PCIF1: variants seen among roughly 807,000 people sequenced by gnomAD.
PCIF1 encodes the protein phosphorylated CTD interacting factor 1.
In PCIF1, 12 loss-of-function variants were observed where a neutral mutation model predicts 86.9. The observed-to-expected ratio is 0.14, with a 90% CI of 0.09 to 0.22. The LOEUF (loss-of-function observed/expected upper bound fraction) is 0.22, where lower values mean the gene tolerates loss of function less well. PCIF1 is among the 10% of genes least tolerant of loss of function. The pLI, the probability that PCIF1 is intolerant of heterozygous loss-of-function variation, is 1.00. For synonymous variants in PCIF1, 397 were observed against 372.0 expected (o/e 1.07, Z -0.77); for missense variants, 701 against 951.1 (o/e 0.74, Z 3.46).
chr20:45,938,981 G>T lies in PCIF1; in HGVS notation c.-19G>T. On this transcript the variant is annotated splice_region_variant and 5_prime_UTR_variant, in exon 3 of 17. Coordinates refer to ENST00000372409, the MANE Select transcript of PCIF1 (RefSeq NM_022104.4). The stretch of plus-strand genomic sequence containing the variant: ...CACTCTTTGGTCCTCTGTGTGGCAG[G>T]TCCTGTGTGGGTGTGGAGATGGCCA... 1 of 1,613,688 alleles carries T rather than the reference G, an allele frequency of 6.2e-7. No homozygotes were observed. Among genetic ancestry groups the T allele is most frequent in the African/African-American group, 1.3e-5 (1 of 75,016 alleles).
In PCIF1 at chr20:45,943,362, G is replaced by C; in HGVS notation, c.844G>C (p.Glu282Gln). 6.2e-7 allele frequency: 1 copy of C among 1,614,120 alleles called. No homozygotes were observed. Among genetic ancestry groups the C allele is most frequent in the South Asian group, 1.1e-5 (1 of 91,084 alleles). The change falls in exon 9 of 17, where the codon GAG becomes CAG. Residue 282 changes from glutamate (E) to glutamine (Q), a missense_variant. Glu to Gln is a conservative substitution (Grantham distance 29, BLOSUM62 2). Transcript: ENST00000372409. The surrounding 1 kb of genome is among the most constrained non-coding windows in gnomAD (Gnocchi z 5.5). The stretch of plus-strand genomic sequence containing the variant: ...CAGGTTATCCCGAATCAAGTTCCGG[G>C]AGGAAGCCAAGCGCCTGCTCTTTAA... ...PIRLSRIKFREEAKRLLFKYA... is the reference protein window; with the variant it reads ...PIRLSRIKFRQEAKRLLFKYA...
rs747384287 is a variant in PCIF1, at chr20:45,944,915, C to T, written c.1053C>T (p.Ala351=). Reference sequence around the variant, plus strand: ...GGCAGTGTGGCCCCCACGTCTCGGCCGCAGCCAAGGACTCCGTGGAAGGCA... The same window carrying T: ...GGCAGTGTGGCCCCCACGTCTCGGCTGCAGCCAAGGACTCCGTGGAAGGCA... ...LRRQCGPHVS[A]AAKDSVEGIC... Residue 351 remains alanine (A), a synonymous_variant, in exon 11 of 17, where the codon GCC becomes GCT. Transcript: ENST00000372409. 3.7e-6 allele frequency: 6 copies of T among 1,614,112 alleles called. No homozygotes were observed. Among genetic ancestry groups the T allele is most frequent in the African/African-American group, 1.3e-5 (1 of 75,064 alleles).
At chr20:45,942,298 A>G (rs918298476) in intron 7 of PCIF1, among the ~76,000 whole-genome samples, 12 of 113,354 alleles carry the variant, frequency 1.1e-4, no homozygotes, top group African/African-American at 3.8e-4. Context: ...TTTTTTTTAC[A>G]TTATGTAATA....
rs962685854 is a variant in PCIF1, at chr20:45,944,855, A to G, written c.1006-13A>G. ...GCCTCCACTAGCGCCCTGATCCAGA[A>G]TGTGTCCTCTAGGATCGCCTGGAGC... On this transcript the variant is annotated splice_polypyrimidine_tract_variant and intron_variant, in intron 10 of 16. Coordinates refer to ENST00000372409, the MANE Select transcript of PCIF1 (RefSeq NM_022104.4). 2.5e-6 allele frequency: 4 copies of G among 1,608,770 alleles called. No individual in the cohort carries two copies. The highest frequency in any genetic ancestry group is 1.7e-5 in the Admixed American group (1 of 59,882).
Position 45,946,104 on chromosome 20 carries a change from C to A in PCIF1, c.1417C>A (p.Arg473=). ...RFLPRVWCLL[R]RYQMMFGVGL... is the part of the protein sequence containing the mutation. Reference sequence around the variant, plus strand: ...CCTGCCCCGGGTCTGGTGTCTTCTCCGACGGTACCAGGTACAGGCCTGGGG... The same window carrying A: ...CCTGCCCCGGGTCTGGTGTCTTCTCAGACGGTACCAGGTACAGGCCTGGGG... The change falls in exon 13 of 17, where the codon CGA becomes AGA. Residue 473 remains arginine (R), a synonymous_variant. Coordinates refer to ENST00000372409, the MANE Select transcript of PCIF1 (RefSeq NM_022104.4). 2 of 1,614,130 alleles carry A rather than the reference C, an allele frequency of 1.2e-6. No individual in the cohort carries two copies. The highest frequency in any genetic ancestry group is 1.7e-6 in the Non-Finnish European group (2 of 1,180,024).
At position 45,945,017 on chromosome 20, in the gene PCIF1, AAAC is replaced by A; in HGVS notation, c.1160_1162del (p.Asn387del). 6.2e-7 allele frequency: 1 copy of A among 1,611,546 alleles called. No individual in the cohort carries two copies. The highest frequency in any genetic ancestry group is 8.5e-7 in the Non-Finnish European group (1 of 1,178,922). On this transcript the variant is annotated inframe_deletion, in exon 11 of 17. Transcript: ENST00000372409. The stretch of plus-strand genomic sequence containing the variant: ...AGAAGCACCTTGCCATCCTCAAGGA[AAAC>A]AACATCTCAGGTAGGGGAAAGGTGA...
chr20:45,942,566 C>T lies in PCIF1; in HGVS notation c.674-531C>T, dbSNP rs953510494. Among the ~76,000 whole-genome samples, 3 of 151,094 alleles carry T rather than the reference C, an allele frequency of 2.0e-5. No homozygotes were observed. In the East Asian group the frequency reaches 6.0e-4, roughly 30 times the overall value. ...CTGACCTCAGGTGATCCACCCATCTCGGCCTCCTGAAGTGCTGGGATTACA... is the reference window on the plus strand; with the variant it reads ...CTGACCTCAGGTGATCCACCCATCTTGGCCTCCTGAAGTGCTGGGATTACA... On this transcript the variant is annotated intron_variant, in intron 7 of 16. Coordinates refer to ENST00000372409, the MANE Select transcript of PCIF1 (RefSeq NM_022104.4).
At chr20:45,944,582 T>G (rs974015397) in intron 10 of PCIF1, among the ~76,000 whole-genome samples, 1 of 152,242 alleles carries the variant, frequency 6.6e-6, no homozygotes, top group Non-Finnish European at 1.5e-5. Flanking sequence ...CAAAAGCTAC[T>G]GGCATTTATT....
chr20:45,947,757 A>G lies in PCIF1; in HGVS notation c.*2A>G, dbSNP rs1284044674. 1.9e-6 allele frequency: 3 copies of G among 1,595,884 alleles called. No individual in the cohort carries two copies. Among genetic ancestry groups the G allele is most frequent in the African/African-American group, 2.7e-5 (2 of 74,334 alleles). On this transcript the variant is annotated 3_prime_UTR_variant, in exon 17 of 17. Coordinates refer to ENST00000372409, the MANE Select transcript of PCIF1 (RefSeq NM_022104.4). This position sits in a 1 kb window ranked among gnomAD's most constrained non-coding sequence, Gnocchi z 5.4. ...AGCCGCGAGCCTCACCCCACTTAAC[A>G]TATCCTGCGGGGAGGAGGAGCCCCA...
intron 5 of PCIF1, 96 bp downstream of exon 5, chr20:45,940,708 A>G: frequency 6.4e-7 from 1 of 1,567,956 alleles, no homozygotes; most frequent in East Asian, 2.3e-5. Context: ...CAGGCCAGCC[A>G]GGAGGGGGGC....
At position 45,943,418 on chromosome 20, in the gene PCIF1, G is replaced by A; in HGVS notation, c.900G>A (p.Glu300=). Residue 300 remains glutamate (E), a synonymous_variant, in exon 9 of 17, where the codon GAG becomes GAA. Transcript: ENST00000372409. This position sits in a 1 kb window ranked among gnomAD's most constrained non-coding sequence, Gnocchi z 5.5. ...CGGAGGCCGCCAGGCGGCTCATCGA[G>A]TCCAGGTTTGCCTGTCTTCTGCCCC... ...KYAEAARRLI[E]SRSASPDSRK... The A allele has an allele frequency of 6.2e-7, 1 of 1,612,884 alleles. No homozygotes were observed. The highest frequency in any genetic ancestry group is 8.5e-7 in the Non-Finnish European group (1 of 1,179,794).
intron 2 of PCIF1, 43 bp from the exon 3 acceptor site, chr20:45,938,938 G>A: frequency 6.2e-7 from 1 of 1,602,640 alleles, no homozygotes; most frequent in Non-Finnish European, 8.5e-7. Context: ...TAATTGGCGG[G>A]TGAGGGGGTG....
chr20:45,946,464 G>T (rs2083527650), intron 14 of PCIF1, 80 bp downstream of exon 14: 1 of 1,510,340 alleles, frequency 6.6e-7, no homozygotes, highest in East Asian at 2.3e-5. Flanking sequence ...GCTGGCTGTA[G>T]TGTCAGGCAG....
intron 1 of PCIF1, among the ~76,000 whole-genome samples, chr20:45,935,751 C>T (rs1174637946): frequency 1.6e-4 from 24 of 152,010 alleles, no homozygotes; most frequent in Admixed American, 1.6e-3. Flanking sequence ...TTTAAAAATA[C>T]AAATTCTTGT....
At position 45,947,633 on chromosome 20, in the gene PCIF1, G is replaced by T; in HGVS notation, c.1993G>T (p.Ala665Ser). The stretch of plus-strand genomic sequence containing the variant: ...GCCTGAACGGCTGCAGGAGCTGAGT[G>T]CTGCCTACCGGCAGTCAGGCCGCAG... ...PTPERLQELSAAYRQSGRSHS... is the reference protein window; with the variant it reads ...PTPERLQELSSAYRQSGRSHS... The change falls in exon 17 of 17, where the codon GCT becomes TCT. Residue 665 changes from alanine (A) to serine (S), a missense_variant. Ala to Ser is a moderately conservative substitution (Grantham distance 99). Around this residue, in one of 7 missense-constraint regions of PCIF1, gnomAD observed 174 missense variants for 206.9 expected, o/e 0.84. Transcript: ENST00000372409. This position sits in a 1 kb window ranked among gnomAD's most constrained non-coding sequence, Gnocchi z 5.4. 1 of 1,612,592 alleles carries T rather than the reference G, an allele frequency of 6.2e-7. No individual in the cohort carries two copies. The highest frequency in any genetic ancestry group is 8.5e-7 in the Non-Finnish European group (1 of 1,179,962).
intron 7 of PCIF1, among the ~76,000 whole-genome samples, chr20:45,942,370 A>G (rs2083479675): frequency 6.9e-6 from 1 of 145,428 alleles, no homozygotes; most frequent in African/African-American, 2.6e-5. Context: ...GCTGGAGTGC[A>G]ATGGCACGGT....
intron 5 of PCIF1, 73 bp from the exon 6 acceptor site, chr20:45,940,736 A>G (rs2083462504): frequency 3.2e-6 from 5 of 1,575,074 alleles, no homozygotes; most frequent in East Asian, 2.2e-5. Context: ...ACAGTTCACC[A>G]GGTGTGCACT....
chr20:45,946,093 G>C lies in PCIF1; in HGVS notation c.1406G>C (p.Trp469Ser). 1 of 1,614,210 alleles carries C rather than the reference G, an allele frequency of 6.2e-7. No individual in the cohort carries two copies. Among genetic ancestry groups the C allele is most frequent in the Non-Finnish European group, 8.5e-7 (1 of 1,180,032 alleles). ...SAFERFLPRV[W>S]CLLRRYQMMF... Reference sequence around the variant, plus strand: ...TTTGAGAGGTTCCTGCCCCGGGTCTGGTGTCTTCTCCGACGGTACCAGGTA... The same window carrying C: ...TTTGAGAGGTTCCTGCCCCGGGTCTCGTGTCTTCTCCGACGGTACCAGGTA... Residue 469 changes from tryptophan to serine, a missense_variant, in exon 13 of 17, where the codon TGG (tryptophan) becomes TCG (serine). Trp to Ser is a radical substitution (Grantham distance 177, BLOSUM62 -3). Coordinates refer to ENST00000372409, the MANE Select transcript of PCIF1 (RefSeq NM_022104.4).
intron 1 of PCIF1, among the ~76,000 whole-genome samples, chr20:45,936,582 C>T (rs1783401010): frequency 6.6e-6 from 1 of 151,626 alleles, no homozygotes; most frequent in Non-Finnish European, 1.5e-5. Flanking sequence ...AACTCCTGGG[C>T]TCAAGTGACC....
Sources: gnomAD v4.1 joint callset for allele counts (sites outside exome capture counted in the v4.1 genomes callset) on GRCh38, gnomAD v4.1.1 for gene constraint, gnomAD v4.1.1 regional missense constraint, Gnocchi (gnomAD v3.1) non-coding constraint, MANE v1.5 for transcripts, NCBI Gene and HGNC (gene_info 2026-07-23, HGNC 2026-07-21) for gene names.